The following MCTP1 variants were observed in gnomAD, a reference collection of about 807,000 sequenced individuals.
The protein encoded by MCTP1 is multiple C2 and transmembrane domain-containing protein 1.
MCTP1 carries 69 observed loss-of-function variants against 120.6 expected under a neutral mutation model. The ratio of observed to expected loss-of-function variants is 0.57; its 90% CI spans 0.47 to 0.70. MCTP1 has a LOEUF of 0.70. MCTP1 is among the 30% of genes least tolerant of loss of function. The pLI, the probability that MCTP1 is intolerant of heterozygous loss-of-function variation, is 0.00. For synonymous variants in MCTP1, 529 were observed against 493.1 expected, an observed-to-expected ratio of 1.07 and a Z score of -0.96; for missense variants, 1,203 against 1,248.8, an observed-to-expected ratio of 0.96 and a Z score of 0.55.
intron 1 of MCTP1, among the ~76,000 whole-genome samples, chr5:95,076,659 G>A (rs1753660216): frequency 6.6e-6 from 1 of 151,956 alleles, no homozygotes; most frequent in Admixed American, 6.6e-5. Context: ...ATCACCACCA[G>A]AAAACAGTGA....
intron 2 of MCTP1, among the ~76,000 whole-genome samples, chr5:95,011,839 C>T (rs1836031508): frequency 6.6e-6 from 1 of 152,130 alleles, no homozygotes; most frequent in Non-Finnish European, 1.5e-5. Flanking sequence ...ATTGTCCCAG[C>T]TTTGGTCATT....
intron 1 of MCTP1, among the ~76,000 whole-genome samples, chr5:95,020,661 T>C (rs960552869): frequency 1.3e-5 from 2 of 152,086 alleles, no homozygotes; most frequent in South Asian, 4.1e-4. Context: ...TGCCTGATAA[T>C]GTTTTCCATA....
intron 1 of MCTP1, among the ~76,000 whole-genome samples, chr5:95,170,685 G>C (rs1747142281): frequency 6.6e-6 from 1 of 152,026 alleles, no homozygotes; most frequent in East Asian, 1.9e-4. Flanking sequence ...TGTCTCTTTT[G>C]ATCTTTGTTG....
At chr5:95,167,287 T>A (rs1318352587) in intron 1 of MCTP1, among the ~76,000 whole-genome samples, 2 of 152,230 alleles carry the variant, frequency 1.3e-5, no homozygotes, top group African/African-American at 4.8e-5. Flanking sequence ...ATGTGCCACA[T>A]TTTCTTAATC....
At chr5:94,782,736 G>C (rs141056536) in intron 18 of MCTP1, among the ~76,000 whole-genome samples, 7 of 152,132 alleles carry the variant, frequency 4.6e-5, no homozygotes, top group African/African-American at 1.7e-4. Context: ...ACATCGTTTT[G>C]TTTTCAAGTA....
intron 1 of MCTP1, among the ~76,000 whole-genome samples, chr5:95,265,359 T>C (rs764316510): frequency 8.5e-5 from 13 of 152,210 alleles, no homozygotes; most frequent in African/African-American, 4.8e-5. Context: ...AGGCCTGTGG[T>C]TGGCTTATTT....
chr5:95,077,024 C>T (rs948275508), intron 1 of MCTP1, among the ~76,000 whole-genome samples: 4 of 152,150 alleles, frequency 2.6e-5, no homozygotes, highest in Non-Finnish European at 5.9e-5. Flanking sequence ...CTAACTCAAG[C>T]CTTTAGTCAC....
At chr5:95,246,138 G>A (rs886221457) in intron 1 of MCTP1, among the ~76,000 whole-genome samples, 2 of 152,124 alleles carry the variant, frequency 1.3e-5, no homozygotes, top group Non-Finnish European at 2.9e-5. Flanking sequence ...GAGAGATTTT[G>A]TCAACACCAG....
chr5:95,113,385 G>T (rs1436095791), intron 1 of MCTP1, among the ~76,000 whole-genome samples: 5 of 152,002 alleles, frequency 3.3e-5, no homozygotes, highest in African/African-American at 1.2e-4. Context: ...GGAGAGGTAG[G>T]AAAAGCAGTC....
chr5:95,016,858 A>AT (rs1417922964), intron 2 of MCTP1, among the ~76,000 whole-genome samples: 2 of 152,068 alleles, frequency 1.3e-5, no homozygotes, highest in Non-Finnish European at 2.9e-5. Flanking sequence ...ATCCTTCGTC[A>AT]TGCCCTACAA....
chr5:94,852,208 G>A (rs188033708), intron 17 of MCTP1, among the ~76,000 whole-genome samples: 1 of 152,030 alleles, frequency 6.6e-6, no homozygotes, highest in East Asian at 1.9e-4. Context: ...ATAGTTCTGA[G>A]TAAATTATAT....
chr5:94,791,474 GACA>G (rs1778948828), intron 18 of MCTP1, among the ~76,000 whole-genome samples: 4 of 145,952 alleles, frequency 2.7e-5, no homozygotes, highest in Admixed American at 2.1e-4. Context: ...CAGCCTGGGT[GACA>G]GAGGGAGACC....
At chr5:95,015,141 T>C (rs1284687964) in intron 2 of MCTP1, among the ~76,000 whole-genome samples, 1 of 152,176 alleles carries the variant, frequency 6.6e-6, no homozygotes, top group Non-Finnish European at 1.5e-5. Flanking sequence ...TTATAACTTT[T>C]ATATGCACTG....
intron 17 of MCTP1, among the ~76,000 whole-genome samples, chr5:94,850,466 A>G (rs1464552407): frequency 3.3e-5 from 5 of 152,216 alleles, no homozygotes; most frequent in Non-Finnish European, 5.9e-5. Context: ...CCTACAGGCT[A>G]AACTGCAGAA....
chr5:95,061,019 T>C (rs1207727949), intron 1 of MCTP1, among the ~76,000 whole-genome samples: 10 of 146,274 alleles, frequency 6.8e-5, no homozygotes, highest in African/African-American at 2.3e-4. Flanking sequence ...TTTTTTTTTT[T>C]TGCATTCTTA....
Position 95,277,285 on chromosome 5 carries a change from T to C in MCTP1, c.720+6571A>G, listed in dbSNP as rs552751348. Among the ~76,000 whole-genome samples, 7 of 152,238 alleles carry C rather than the reference T, an allele frequency of 4.6e-5. No individual in the cohort carries two copies. The South Asian group carries it at 1.5e-3, about 32-fold the overall frequency. ...GGAGCACAATATGGCAGCCACTTAG[T>C]AGGTACCACATCCTCCCCTCACCAG... On this transcript the variant is annotated intron_variant, in intron 1 of 22. Transcript: ENST00000515393.
In MCTP1 at chr5:94,913,007, C is replaced by T. The variant is rs1457600169; in HGVS notation, c.1351-31G>A. ...GGCAAATGAAAATTGAGTTAGGTTA[C>T]TGTGTTTTAAACCCAAAAACCTCAT... On this transcript the variant is annotated intron_variant, in intron 8 of 22. Coordinates refer to ENST00000515393, the MANE Select transcript of MCTP1 (RefSeq NM_024717.7). The T allele has an allele frequency of 3.2e-6, 5 of 1,571,080 alleles. No individual in the cohort carries two copies. In the Admixed American group the frequency reaches 9.4e-5, roughly 29 times the overall value.
At chr5:94,760,215 C>A (rs115200818) in intron 19 of MCTP1, among the ~76,000 whole-genome samples, 3 of 151,940 alleles carry the variant, frequency 2.0e-5, no homozygotes, top group Non-Finnish European at 2.9e-5. Flanking sequence ...CTCTAATATA[C>A]CCCATTAGAA....
chr5:94,990,063 A>G lies in MCTP1; in HGVS notation c.838+27304T>C, dbSNP rs534218270. 1.6e-4 allele frequency among the ~76,000 whole-genome samples: 25 copies of G among 152,296 alleles called. 1 individual carries two copies. In the South Asian group the frequency reaches 5.0e-3, roughly 30 times the overall value. On this transcript the variant is annotated intron_variant, in intron 2 of 22. Coordinates refer to ENST00000515393, the MANE Select transcript of MCTP1 (RefSeq NM_024717.7). ...CCTTTCTAGTGAATTACTGAACCCA[A>G]AAAGGGGACGGTACAATCTCCTGAT...
Sources: allele counts gnomAD v4.1 joint callset (sites outside exome capture counted in the v4.1 genomes callset), GRCh38; gene constraint gnomAD v4.1.1; transcripts MANE v1.5; gene names NCBI Gene and HGNC (gene_info 2026-07-23, HGNC 2026-07-21).